Variants in AHNAK observed in about 807,000 individuals in gnomAD.
AHNAK encodes the protein neuroblast differentiation-associated protein AHNAK.
AHNAK carries 23 observed loss-of-function variants against 37.8 expected under a neutral mutation model. That is an observed-to-expected ratio of 0.61 (90% confidence interval 0.44 to 0.86). The LOEUF (loss-of-function observed/expected upper bound fraction) is 0.86, where lower values mean the gene tolerates loss of function less well. AHNAK is among the 40% of genes least tolerant of loss of function. The probability of loss-of-function intolerance (pLI) is 0.00; values close to 1 mark genes in which losing one functional copy is unlikely to be tolerated. For synonymous variants in AHNAK, 2,481 were observed against 2,636.3 expected (o/e 0.94, Z 1.80); for missense variants, 7,411 against 7,319.4 (o/e 1.01, Z -0.46).
chr11:62,520,967 C>T lies in AHNAK; in HGVS notation c.13450G>A (p.Val4484Met), dbSNP rs1253517228. ...TCTGGCCCTTTCAGATCACTTTCCA[C>T]CTTAGGTAGTGAAACATCCACATCA... is the stretch of plus-strand genomic sequence containing the variant. The part of the protein sequence containing the change: ...KGDVDVSLPK[V>M]ESDLKGPEVD... The change falls in exon 5 of 5, where the codon GTG becomes ATG. Residue 4484 changes from valine (V) to methionine (M), a missense_variant. By Grantham distance (21) the Val-to-Met change is conservative. Coordinates refer to ENST00000378024, the MANE Select transcript of AHNAK (RefSeq NM_001620.3). 1.9e-6 allele frequency: 3 copies of T among 1,614,132 alleles called. No individual in the cohort carries two copies. The highest frequency in any genetic ancestry group is 1.1e-5 in the South Asian group (1 of 91,074).
At chr11:62,544,409 T>A (rs1369470901) in intron 1 of AHNAK, among the ~76,000 whole-genome samples, 1 of 151,862 alleles carries the variant, frequency 6.6e-6, no homozygotes, top group East Asian at 1.9e-4. Flanking sequence ...CTTATGTGGC[T>A]CCCCATGTGT....
downstream of AHNAK, chr11:62,515,799 C>T: frequency 1.2e-6 from 1 of 841,322 alleles, no homozygotes; most frequent in Non-Finnish European, 1.5e-6. Context: ...ACTGATGAAA[C>T]TAGCAATGCC....
intron 1 of AHNAK, among the ~76,000 whole-genome samples, chr11:62,540,767 C>T (rs1941097431): frequency 6.6e-6 from 1 of 152,260 alleles, no homozygotes; most frequent in Non-Finnish European, 1.5e-5. Context: ...GCCGCTCCAG[C>T]TGCAAAGGTG....
At position 62,523,471 on chromosome 11, in the gene AHNAK, C is replaced by A; in HGVS notation, c.10946G>T (p.Gly3649Val). 6.2e-7 allele frequency: 1 copy of A among 1,613,350 alleles called. No individual in the cohort carries two copies. ...DVDVPDVNIEGPDAKLKGPKF... is the reference protein window; with the variant it reads ...DVDVPDVNIEVPDAKLKGPKF... ...GGGGCCCTTCAGCTTTGCATCTGGA[C>A]CTTCAATATTCACGTCTGGAACATC... The change falls in exon 5 of 5, where the codon GGT becomes GTT. Residue 3649 changes from glycine (G) to valine (V), a missense_variant. Transcript: ENST00000378024.
chr11:62,520,020 A>T lies in AHNAK; in HGVS notation c.14397T>A (p.Asp4799Glu), dbSNP rs1465857144. Residue 4799 changes from aspartate to glutamate, a missense_variant, in exon 5 of 5, where the codon GAT becomes GAA. Physicochemically the swap from Asp to Glu is conservative, Grantham distance 45. Coordinates refer to ENST00000378024, the MANE Select transcript of AHNAK (RefSeq NM_001620.3). The stretch of plus-strand genomic sequence containing the variant: ...CGGCCTTGGGCAGGCTCACATCCAC[A>T]TCTGGACCTTCTCCTTTGAAGCCAG... ...SMPGFKGEGP[D>E]VDVSLPKADI... 6 of 1,613,278 alleles carry T rather than the reference A, an allele frequency of 3.7e-6. No individual in the cohort carries two copies. Among genetic ancestry groups the T allele is most frequent in the Non-Finnish European group, 5.1e-6 (6 of 1,179,852 alleles).
At chr11:62,475,153 A>C (rs1416312199) in intron 5 of AHNAK, among the ~76,000 whole-genome samples, 1 of 152,168 alleles carries the variant, frequency 6.6e-6, no homozygotes, top group Non-Finnish European at 1.5e-5. Flanking sequence ...AAATACAAAA[A>C]TTAGCCAGGC....
intron 5 of AHNAK, among the ~76,000 whole-genome samples, chr11:62,469,007 G>C (rs1020760977): frequency 1.3e-5 from 2 of 152,146 alleles, no homozygotes; most frequent in African/African-American, 4.8e-5. Context: ...TCTTTTTTGT[G>C]TATATGGAGA....
rs1232565733 is a variant in AHNAK at position 62,522,796 on chromosome 11, G to A, written c.11621C>T (p.Ser3874Phe). The A allele has an allele frequency of 1.9e-6, 3 of 1,613,726 alleles. No individual in the cohort carries two copies. Among genetic ancestry groups the A allele is most frequent in the Non-Finnish European group, 2.5e-6 (3 of 1,179,996 alleles). The change falls in exon 5 of 5, where the codon TCC becomes TTC. Residue 3874 changes from serine to phenylalanine, a missense_variant. Ser to Phe is a radical substitution (Grantham distance 155, BLOSUM62 -2). Coordinates refer to ENST00000378024, the MANE Select transcript of AHNAK (RefSeq NM_001620.3). Reference protein sequence around the residue: ...PEMNIKAPKISMPDIDLNLKG... With the variant: ...PEMNIKAPKIFMPDIDLNLKG... ...CAGGTTAAGATCAATGTCAGGCATG[G>A]AGATCTTGGGGGCTTTGATGTTCAT...
rs1184258636 is a variant in AHNAK at position 62,525,304 on chromosome 11, T to C, written c.9113A>G (p.Glu3038Gly). The C allele has an allele frequency of 6.2e-7, 1 of 1,612,828 alleles. No individual in the cohort carries two copies. The highest frequency in any genetic ancestry group is 1.1e-5 in the South Asian group (1 of 91,030). ...CAGGTTCACATCCACATCTGGGCCC[T>C]CTCCTTTGAAGCCAGGCATGCTGAA... is the stretch of plus-strand genomic sequence containing the variant. The part of the protein sequence containing the change: ...PKFSMPGFKG[E>G]GPDVDVNLPK... The change falls in exon 5 of 5, where the codon GAG becomes GGG. Residue 3038 changes from glutamate to glycine, a missense_variant. Transcript: ENST00000378024.
At chr11:62,491,416 T>G (rs1022834345) in intron 5 of AHNAK, among the ~76,000 whole-genome samples, 1 of 152,212 alleles carries the variant, frequency 6.6e-6, no homozygotes, top group African/African-American at 2.4e-5. Context: ...CTTCTGGGTT[T>G]AATAGGTACT....
chr11:62,440,533 G>A (rs534978935), intron 5 of AHNAK, among the ~76,000 whole-genome samples: 4 of 152,260 alleles, frequency 2.6e-5, no homozygotes, highest in South Asian at 2.1e-4. Flanking sequence ...CTGGGAGCCC[G>A]TTTCTGAGCC....
At chr11:62,495,588 C>A (rs955753580) in intron 4 of AHNAK, among the ~76,000 whole-genome samples, 1 of 133,600 alleles carries the variant, frequency 7.5e-6, no homozygotes, top group African/African-American at 3.4e-5. Context: ...AAAAAAAAAA[C>A]ATTAGCTGGG....
chr11:62,537,628 T>G (rs1940993077), intron 1 of AHNAK, among the ~76,000 whole-genome samples: 1 of 151,714 alleles, frequency 6.6e-6, no homozygotes. Flanking sequence ...GAGAACAGCT[T>G]ACCCGGGGTA....
intron 4 of AHNAK, among the ~76,000 whole-genome samples, chr11:62,502,682 C>A (rs1371417386): frequency 6.6e-6 from 1 of 152,130 alleles, no homozygotes; most frequent in Non-Finnish European, 1.5e-5. Flanking sequence ...AAGTACAGAG[C>A]AACATGAATG....
chr11:62,518,774 C>T lies in AHNAK; in HGVS notation c.15643G>A (p.Val5215Met), dbSNP rs770880008. The T allele has an allele frequency of 2.2e-5, 36 of 1,614,112 alleles. No homozygotes were observed. The highest frequency in any genetic ancestry group is 8.9e-5 in the East Asian group (4 of 44,898). Residue 5215 changes from valine (V) to methionine (M), a missense_variant, in exon 5 of 5, where the codon GTG (valine) becomes ATG (methionine). Physicochemically the swap from Val to Met is conservative, Grantham distance 21. Coordinates refer to ENST00000378024, the MANE Select transcript of AHNAK (RefSeq NM_001620.3). ...GPKIKGDVPS[V>M]GLEGPDVDLQ... ...TCTACATCTGGTCCTTCCAGTCCCA[C>T]GCTGGGGACATCACCCTTTATCTTT...
chr11:62,529,379 C>A lies in AHNAK; in HGVS notation c.5038G>T (p.Gly1680Cys). 1 of 1,614,000 alleles carries A rather than the reference C, an allele frequency of 6.2e-7. No homozygotes were observed. The highest frequency in any genetic ancestry group is 2.2e-5 in the East Asian group (1 of 44,844). Residue 1680 changes from glycine (G) to cysteine (C), a missense_variant, in exon 5 of 5, where the codon GGT becomes TGT. By Grantham distance (159) the Gly-to-Cys change is radical. Transcript: ENST00000378024. ...DMDVSVPKVE[G>C]EMKVPDVDIK... ...TCAACATCTGGCACTTTCATTTCAC[C>A]TTCTACCTTGGGCACAGACACATCC... is the stretch of plus-strand genomic sequence containing the variant.
Sources: allele counts gnomAD v4.1 joint callset (sites outside exome capture counted in the v4.1 genomes callset), GRCh38; gene constraint gnomAD v4.1.1; transcripts MANE v1.5; gene names NCBI Gene and HGNC (gene_info 2026-07-23, HGNC 2026-07-21).